GINS4: variants seen among roughly 807,000 people sequenced by gnomAD.
GINS4 encodes GINS complex subunit 4.
In GINS4, 20 loss-of-function variants were observed where a neutral mutation model predicts 31.1. The observed-to-expected ratio is 0.64, with a 90% confidence interval of 0.45 to 0.93. The LOEUF is 0.93. GINS4 is among the 40% of genes least tolerant of loss of function. GINS4 has a pLI of 0.00. For missense variants in GINS4, 245 were observed against 273.9 expected (o/e 0.89, Z 0.75); for synonymous variants, 85 against 97.9 (o/e 0.87, Z 0.78).
intron 3 of GINS4, chr8:41,536,933 G>A (rs1424105537): frequency 2.1e-6 from 1 of 470,546 alleles, no homozygotes; most frequent in Admixed American, 3.5e-5. Context: ...TTTCGTCTGT[G>A]TGCTGTACTA....
intron 2 of GINS4, among the ~76,000 whole-genome samples, chr8:41,535,759 TA>T (rs1585620816): frequency 2.6e-5 from 4 of 152,210 alleles, no homozygotes; most frequent in Admixed American, 1.3e-4. Context: ...AGTCATAAAT[TA>T]GAGCTTTAAC....
chr8:41,532,346 T>C (rs563493187), intron 2 of GINS4, among the ~76,000 whole-genome samples: 6 of 151,072 alleles, frequency 4.0e-5, no homozygotes, highest in Non-Finnish European at 6.0e-5. Flanking sequence ...TATCATCTCA[T>C]ATCTATCAGA....
chr8:41,535,244 A>G (rs1422209611), intron 2 of GINS4, among the ~76,000 whole-genome samples: 1 of 152,152 alleles, frequency 6.6e-6, no homozygotes, highest in Admixed American at 6.5e-5. Context: ...AGGCTGAGGC[A>G]GGAGAATCAC....
intron 7 of GINS4, 41 bp from the exon 8 acceptor site, chr8:41,541,950 C>T (rs776544104): frequency 1.2e-6 from 2 of 1,610,012 alleles, no homozygotes; most frequent in Admixed American, 1.7e-5. Flanking sequence ...GATGGAGGGC[C>T]AGCCGAGCTC....
chr8:41,531,454 G>C (rs1806646658), intron 2 of GINS4, among the ~76,000 whole-genome samples: 2 of 152,130 alleles, frequency 1.3e-5, no homozygotes, highest in African/African-American at 4.8e-5. Flanking sequence ...CCCCTTTCCA[G>C]AGCTCTCTCA....
chr8:41,531,691 T>C (rs1473278012), intron 2 of GINS4, among the ~76,000 whole-genome samples: 2 of 152,224 alleles, frequency 1.3e-5, no homozygotes, highest in African/African-American at 4.8e-5. Context: ...ATTTTGCATA[T>C]GACTTCCAGG....
rs1806902858 is a variant in GINS4, at chr8:41,544,720, C to T, written c.*2633C>T. 6.6e-6 allele frequency: 1 copy of T among 150,848 alleles called. No individual in the cohort carries two copies. Among genetic ancestry groups the T allele is most frequent in the African/African-American group, 2.5e-5 (1 of 40,768 alleles). 9.3% of individuals were successfully genotyped at this position (150,848 alleles called of 1,614,324 possible). On this transcript the variant is annotated 3_prime_UTR_variant, in exon 8 of 8. Transcript: ENST00000276533. ...CTGTTTGGTCATTTTATTGATATTG[C>T]ACATTTGTATATGAATAAATTTTTG...
chr8:41,536,591 T>A, intron 3 of GINS4, 145 bp downstream of exon 3: 1 of 605,268 alleles, frequency 1.7e-6, no homozygotes. Context: ...TTGAATTAGT[T>A]ATCTATGTTT....
intron 6 of GINS4, 65 bp from the exon 7 acceptor site, chr8:41,541,744 C>A: frequency 7.7e-7 from 1 of 1,292,906 alleles, no homozygotes; most frequent in Non-Finnish European, 1.1e-6. Context: ...TTCTTCCCAG[C>A]AACTTTTACT....
Position 41,542,170 on chromosome 8 carries a change from T to C in GINS4, c.*83T>C. On this transcript the variant is annotated 3_prime_UTR_variant, in exon 8 of 8. Transcript: ENST00000276533. ...AGGCCGAGGCGGGCGGATCATGAGG[T>C]CAGGAGTTCGAGACCAACCGACCAA... The C allele has an allele frequency of 3.0e-6, 3 of 1,016,490 alleles. No homozygotes were observed. The highest frequency in any genetic ancestry group is 4.7e-6 in the Non-Finnish European group (3 of 641,848). The allele number at this position is 1,016,490 out of a possible 1,614,324, so 63.0% of individuals were successfully genotyped here.
chr8:41,536,692 G>A (rs1290458845), intron 3 of GINS4, among the ~76,000 whole-genome samples: 2 of 152,222 alleles, frequency 1.3e-5, no homozygotes, highest in African/African-American at 4.8e-5. Flanking sequence ...CAGTTGACCA[G>A]AGCAGTCCCA....
chr8:41,538,552 CCTT>C (rs1480400207), intron 4 of GINS4, among the ~76,000 whole-genome samples: 4 of 152,056 alleles, frequency 2.6e-5, no homozygotes, highest in African/African-American at 9.7e-5. Context: ...GGTTTTGGCT[CCTT>C]AAGTGTAGGG....
chr8:41,541,387 T>A (rs938558282), intron 6 of GINS4, among the ~76,000 whole-genome samples: 1 of 152,172 alleles, frequency 6.6e-6, no homozygotes, highest in East Asian at 1.9e-4. Context: ...TCTCTTCTTA[T>A]AAGACACCAG....
At chr8:41,538,727 CAG>C in intron 4 of GINS4, among the ~76,000 whole-genome samples, 1 of 151,826 alleles carries the variant, frequency 6.6e-6, no homozygotes, top group African/African-American at 2.4e-5. Context: ...TTTTTTTTGA[CAG>C]AGTCTCACTC....
intron 6 of GINS4, 39 bp from the exon 7 acceptor site, chr8:41,541,770 G>C: frequency 1.3e-6 from 2 of 1,539,490 alleles, no homozygotes; most frequent in Non-Finnish European, 1.8e-6. Context: ...GACTTTGTTG[G>C]CCGAGGATTT....
chr8:41,540,690 G>A (rs969378554), intron 6 of GINS4, among the ~76,000 whole-genome samples: 12 of 152,200 alleles, frequency 7.9e-5, no homozygotes, highest in African/African-American at 1.9e-4. Context: ...TTCACAGTGC[G>A]CCAGATCCAA....
chr8:41,530,313 TC>T lies in GINS4; in HGVS notation c.96+16del. ...GATTGGAGCAGGTAAGCATCCCAGA[TC>T]GAATCCCTTTGCTCCAGTCAGCCTT... On this transcript the variant is annotated intron_variant, in intron 2 of 7. Transcript: ENST00000276533. 1 of 1,580,968 alleles carries T rather than the reference TC, an allele frequency of 6.3e-7. No individual in the cohort carries two copies. Among genetic ancestry groups the T allele is most frequent in the South Asian group, 1.1e-5 (1 of 89,416 alleles).
At chr8:41,533,007 A>G (rs1053554919) in intron 2 of GINS4, among the ~76,000 whole-genome samples, 2 of 152,200 alleles carry the variant, frequency 1.3e-5, no homozygotes, top group East Asian at 3.9e-4. Flanking sequence ...AAACTTCCGC[A>G]TGTACTCTAG....
chr8:41,541,448 C>T (rs892456035), intron 6 of GINS4, among the ~76,000 whole-genome samples: 2 of 152,134 alleles, frequency 1.3e-5, no homozygotes, highest in Admixed American at 6.5e-5. Flanking sequence ...ACTTAATTGC[C>T]TCTTTAAAAG....
Sources: allele counts gnomAD v4.1 joint callset (sites outside exome capture counted in the v4.1 genomes callset), GRCh38; gene constraint gnomAD v4.1.1; transcripts MANE v1.5; gene names NCBI Gene and HGNC (gene_info 2026-07-23, HGNC 2026-07-21).